Variants in RPF1 observed in about 807,000 individuals in gnomAD.
The protein encoded by RPF1 is ribosome production factor 1 homolog.
A neutral mutation model predicts 41.9 loss-of-function variants in RPF1; 34 were observed. The ratio of observed to expected loss-of-function variants is 0.81; its 90% CI spans 0.62 to 1.08. The LOEUF is 1.08. Ranked by LOEUF, RPF1 falls within the 50% of genes least tolerant of loss-of-function variation. The pLI is 0.00. For missense variants in RPF1, 425 were observed against 435.2 expected, an observed-to-expected ratio of 0.98 and a Z score of 0.21; for synonymous variants, 140 against 148.9, an observed-to-expected ratio of 0.94 and a Z score of 0.43.
At position 84,495,367 on chromosome 1, in the gene RPF1, G is replaced by A; in HGVS notation, c.617-6G>A. 1 of 1,342,058 alleles carries A rather than the reference G, an allele frequency of 7.5e-7. No homozygotes were observed. Among genetic ancestry groups the A allele is most frequent in the East Asian group, 2.3e-5 (1 of 42,926 alleles). 83.1% of individuals were successfully genotyped at this position (1,342,058 alleles called of 1,614,324 possible). On this transcript the variant is annotated splice_polypyrimidine_tract_variant and splice_region_variant and intron_variant, in intron 5 of 8. Transcript: ENST00000370654. The stretch of plus-strand genomic sequence containing the variant: ...TCAATGTGTTTTTCTTAACTTTTAT[G>A]AACAGATGGACTTATTTTGAGTCAC...
In RPF1 at chr1:84,489,579, T is replaced by A. The variant is rs895393073; in HGVS notation, c.367-54T>A. Reference sequence around the variant, plus strand: ...CCTGCTGATGCTACTTTTAGAATTCTGGCCCAGTAGAGTATTTCTTTGATG... The same window carrying A: ...CCTGCTGATGCTACTTTTAGAATTCAGGCCCAGTAGAGTATTTCTTTGATG... On this transcript the variant is annotated intron_variant, in intron 3 of 8. Coordinates refer to ENST00000370654, the MANE Select transcript of RPF1 (RefSeq NM_025065.7). The A allele has an allele frequency of 6.2e-6, 6 of 972,172 alleles. No homozygotes were observed. In the South Asian group the frequency reaches 7.9e-5, roughly 13 times the overall value. The allele number at this position is 972,172 out of a possible 1,614,324, so 60.2% of individuals were successfully genotyped here.
chr1:84,486,868 G>A (rs950188917), intron 3 of RPF1, among the ~76,000 whole-genome samples: 6 of 152,128 alleles, frequency 3.9e-5, no homozygotes, highest in Non-Finnish European at 7.4e-5. Flanking sequence ...TGCAGAATAT[G>A]AGATAAATAG....
In RPF1 at chr1:84,479,459, A is replaced by C. The variant is rs371298567; in HGVS notation, c.178A>C (p.Lys60Gln). 16 of 1,614,136 alleles carry C rather than the reference A, an allele frequency of 9.9e-6. No homozygotes were observed. Among genetic ancestry groups the C allele is most frequent in the Admixed American group, 1.7e-5 (1 of 60,016 alleles). The change falls in exon 1 of 9, where the codon AAA (lysine) becomes CAA (glutamine). Residue 60 changes from lysine to glutamine, a missense_variant. Lys to Gln is a moderately conservative substitution (Grantham distance 53). Coordinates refer to ENST00000370654, the MANE Select transcript of RPF1 (RefSeq NM_025065.7). ...CTTTAGCATTTCGGAGATTAAAAAC[A>C]AACAGCGGCGACACTTAATGTTCAC... ...PGFSISEIKN[K>Q]QRRHLMFTRW... is the part of the protein sequence containing the mutation.
rs527488475 is a variant in RPF1, at chr1:84,497,664, G to A, written c.*194G>A. 2.4e-5 allele frequency: 11 copies of A among 449,916 alleles called. No homozygotes were observed. The South Asian group carries it at 5.5e-4, about 22-fold the overall frequency. The allele number at this position is 449,916 out of a possible 1,614,324, so 27.9% of individuals were successfully genotyped here. ...AAATACAAATAAAAGTTATTTTGAT[G>A]GCTTAGGTTTCCTTAAACTTAGTTC... On this transcript the variant is annotated 3_prime_UTR_variant, in exon 9 of 9. Coordinates refer to ENST00000370654, the MANE Select transcript of RPF1 (RefSeq NM_025065.7).
At position 84,480,938 on chromosome 1, in the gene RPF1, T is replaced by G. The variant is rs772137057; in HGVS notation, c.229-18T>G. The G allele has an allele frequency of 1.4e-6, 2 of 1,429,946 alleles. No individual in the cohort carries two copies. Among genetic ancestry groups the G allele is most frequent in the Admixed American group, 3.5e-5 (2 of 57,086 alleles). The allele number at this position is 1,429,946 out of a possible 1,614,324, so 88.6% of individuals were successfully genotyped here. The stretch of plus-strand genomic sequence containing the variant: ...TGGTTGTTTCTCAGTATTGTTCTCT[T>G]TTTTTTTAACCCTTTAGGAAAAGTT... On this transcript the variant is annotated intron_variant, in intron 1 of 8. Transcript: ENST00000370654.
intron 6 of RPF1, 141 bp from the exon 7 acceptor site, chr1:84,495,741 G>A (rs1346072081): frequency 1.7e-6 from 1 of 585,058 alleles, no homozygotes; most frequent in African/African-American, 1.9e-5. Context: ...TCATGGGTTT[G>A]ATAAGCCATC....
intron 3 of RPF1, among the ~76,000 whole-genome samples, chr1:84,484,431 A>T (rs1416389233): frequency 1.3e-5 from 2 of 150,262 alleles, no homozygotes; most frequent in East Asian, 3.9e-4. Context: ...TGTCCTTTTT[A>T]GCAAAAAAAA....
At position 84,497,613 on chromosome 1, in the gene RPF1, G is replaced by A; in HGVS notation, c.*143G>A. The A allele has an allele frequency of 2.0e-6, 1 of 509,446 alleles. No homozygotes were observed. 31.6% of individuals were successfully genotyped at this position (509,446 alleles called of 1,614,324 possible). A position where few individuals can be genotyped will look rare whatever the true frequency, so the allele number is the denominator to read the frequency against. On this transcript the variant is annotated 3_prime_UTR_variant, in exon 9 of 9. Transcript: ENST00000370654. The stretch of plus-strand genomic sequence containing the variant: ...GTCTGGACGAATTACCAAATGCCAT[G>A]AATTGCCACTGTGTGTTTATGTAGA...
At chr1:84,485,774 G>C (rs1681724486) in intron 3 of RPF1, among the ~76,000 whole-genome samples, 2 of 152,176 alleles carry the variant, frequency 1.3e-5, no homozygotes, top group African/African-American at 4.8e-5. Flanking sequence ...GAGATAACTT[G>C]AATGTTACTC....
rs963918432 is a variant in RPF1, at chr1:84,489,708, A to T, written c.442A>T (p.Thr148Ser). 3 of 1,592,948 alleles carry T rather than the reference A, an allele frequency of 1.9e-6. No homozygotes were observed. The highest frequency in any genetic ancestry group is 2.6e-6 in the Non-Finnish European group (3 of 1,160,910). Residue 148 changes from threonine (T) to serine (S), a missense_variant, in exon 4 of 9, where the codon ACA becomes TCA. Thr to Ser is a moderately conservative substitution (Grantham distance 58). Coordinates refer to ENST00000370654, the MANE Select transcript of RPF1 (RefSeq NM_025065.7). ...GACTTCTCCCAAGATTCTCATCACAACATCAGATAGACCTCATGGGGTAAA... is the reference window on the plus strand; with the variant it reads ...GACTTCTCCCAAGATTCTCATCACATCATCAGATAGACCTCATGGGGTAAA... Reference protein sequence around the residue: ...KQTSPKILITTSDRPHGRTVR... With the variant: ...KQTSPKILITSSDRPHGRTVR...
intron 8 of RPF1, among the ~76,000 whole-genome samples, chr1:84,496,670 C>G (rs1305213571): frequency 6.6e-6 from 1 of 152,006 alleles, no homozygotes; most frequent in African/African-American, 2.4e-5. Flanking sequence ...AGCACCATTA[C>G]CTAGGAACCT....
At chr1:84,496,566 TAAAAAAAA>T (rs34913814) in intron 8 of RPF1, among the ~76,000 whole-genome samples, 196 bp downstream of exon 8, 1 of 131,876 alleles carries the variant, frequency 7.6e-6, no homozygotes, top group Non-Finnish European at 1.6e-5. Context: ...ACCCTTGAAC[TAAAAAAAA>T]AAAAAAAAAA....
intron 8 of RPF1, among the ~76,000 whole-genome samples, chr1:84,497,072 G>A (rs1449715006): frequency 1.3e-5 from 2 of 151,500 alleles, no homozygotes; most frequent in African/African-American, 4.9e-5. Flanking sequence ...GGGTTTCCCC[G>A]TGTTAGCCAG....
chr1:84,483,058 T>C (rs147475122), intron 3 of RPF1, 63 bp downstream of exon 3: 14,384 of 1,090,410 alleles, frequency 0.013, 139 homozygotes, highest in Middle Eastern at 0.018. Context: ...TATATGTTTT[T>C]TTGTTGATAT....
intron 3 of RPF1, among the ~76,000 whole-genome samples, chr1:84,489,268 C>T (rs1459458515): frequency 6.6e-6 from 1 of 151,944 alleles, no homozygotes; most frequent in Non-Finnish European, 1.5e-5. Context: ...TTTGTCTTCT[C>T]GTAATTTCAT....
Position 84,497,563 on chromosome 1 carries a change from T to G in RPF1, c.*93T>G. 1 of 926,758 alleles carries G rather than the reference T, an allele frequency of 1.1e-6. No homozygotes were observed. The highest frequency in any genetic ancestry group is 1.6e-6 in the Non-Finnish European group (1 of 614,694). The allele number at this position is 926,758 out of a possible 1,614,324, so 57.4% of individuals were successfully genotyped here. A position where few individuals can be genotyped will look rare whatever the true frequency, so the allele number is the denominator to read the frequency against. On this transcript the variant is annotated 3_prime_UTR_variant, in exon 9 of 9. Coordinates refer to ENST00000370654, the MANE Select transcript of RPF1 (RefSeq NM_025065.7). ...ACAGAATACTCTTTTCAAAATGGCA[T>G]TTGCTGATTTCATAAACCTTTCACG...
intron 3 of RPF1, among the ~76,000 whole-genome samples, chr1:84,485,844 T>G (rs1681725225): frequency 6.6e-6 from 1 of 152,230 alleles, no homozygotes; most frequent in Non-Finnish European, 1.5e-5. Context: ...AAATTGTATA[T>G]CACTGTAGTT....
At chr1:84,490,531 A>G (rs1210221717) in intron 5 of RPF1, 59 bp downstream of exon 5, 4 of 1,214,034 alleles carry the variant, frequency 3.3e-6, no homozygotes, top group Non-Finnish European at 4.5e-6. Flanking sequence ...CCTTAAAAAT[A>G]TATTTAAAAG....
At chr1:84,486,587 CAAAAAA>C (rs896267195) in intron 3 of RPF1, among the ~76,000 whole-genome samples, 9 of 64,534 alleles carry the variant, frequency 1.4e-4, no homozygotes, top group African/African-American at 2.8e-4. Context: ...GACTCCGTCT[CAAAAAA>C]AAAAAAAAAA....
Sources: gnomAD v4.1 joint callset for allele counts (sites outside exome capture counted in the v4.1 genomes callset) on GRCh38, gnomAD v4.1.1 for gene constraint, MANE v1.5 for transcripts, NCBI Gene and HGNC (gene_info 2026-07-23, HGNC 2026-07-21) for gene names.